The following HOOK3 variants were observed in gnomAD, a reference collection of about 807,000 sequenced individuals.
HOOK3 encodes protein Hook homolog 3.
A neutral mutation model predicts 116.3 loss-of-function variants in HOOK3; 24 were observed. The observed-to-expected ratio is 0.21, with a 90% confidence interval of 0.15 to 0.29. The LOEUF (loss-of-function observed/expected upper bound fraction) is 0.29. HOOK3 is among the 10% of genes least tolerant of loss of function. The pLI is 1.00. For missense variants in HOOK3, 632 were observed against 830.2 expected, an observed-to-expected ratio of 0.76 and a Z score of 2.93; for synonymous variants, 275 against 283.0, an observed-to-expected ratio of 0.97 and a Z score of 0.28.
chr8:43,003,588 T>C (rs1563312073), intron 17 of HOOK3, among the ~76,000 whole-genome samples: 1 of 152,216 alleles, frequency 6.6e-6, no homozygotes. Context: ...GAGCCTGTAT[T>C]AGTTCTTATA....
At position 42,974,148 on chromosome 8, in the gene HOOK3, A is replaced by G. The variant is rs557323649; in HGVS notation, c.1275A>G (p.Glu425=). 5.5e-5 allele frequency: 89 copies of G among 1,614,176 alleles called. 2 individuals carry two copies. In the South Asian group the frequency reaches 9.3e-4, roughly 17 times the overall value. Residue 425 remains glutamate (E), a synonymous_variant, in exon 13 of 22, where the codon GAA becomes GAG. Transcript: ENST00000307602. The part of the protein sequence containing the change: ...TERDSLKETI[E]ELRCVQAQEG... ...GGGATTCTCTGAAGGAAACCATTGA[A>G]GAGCTTCGTTGTGTACAAGCTCAAG...
chr8:42,960,812 A>G (rs765333569), intron 8 of HOOK3, among the ~76,000 whole-genome samples: 2 of 152,164 alleles, frequency 1.3e-5, no homozygotes, highest in African/African-American at 2.4e-5. Context: ...ATCCCAAATA[A>G]TCACCCAGTC....
intron 1 of HOOK3, chr8:42,897,413 G>A (rs1397762924): frequency 8.0e-6 from 3 of 377,034 alleles, no homozygotes; most frequent in Non-Finnish European, 1.4e-5. Flanking sequence ...CTGGGAACGC[G>A]GCGGGCGACT....
chr8:42,939,601 CT>C lies in HOOK3; in HGVS notation c.268-3711del, dbSNP rs1808058580. On this transcript the variant is annotated intron_variant, in intron 4 of 21. Transcript: ENST00000307602. ...CCCCCCCACCTCCCTCCCGGACGGG[CT>C]GGCTGGCCGGGCGGGGGGCTGACCC... 4.6e-5 allele frequency among the ~76,000 whole-genome samples: 6 copies of C among 131,436 alleles called. No individual in the cohort carries two copies. The South Asian group carries it at 1.5e-3, about 34-fold the overall frequency. The allele number at this position is 131,436 out of a possible 152,430, so 86.2% of individuals were successfully genotyped here.
At chr8:42,898,828 T>A (rs867234341) in intron 1 of HOOK3, among the ~76,000 whole-genome samples, 1 of 152,364 alleles carries the variant, frequency 6.6e-6, no homozygotes, top group African/African-American at 2.4e-5. Flanking sequence ...TTCATACGCC[T>A]AACCGTCCAA....
At chr8:42,927,017 G>A (rs992784591) in intron 3 of HOOK3, among the ~76,000 whole-genome samples, 3 of 152,146 alleles carry the variant, frequency 2.0e-5, no homozygotes, top group Non-Finnish European at 2.9e-5. Context: ...GGAGAAACCT[G>A]CGACCATTTC....
At chr8:42,913,953 A>G (rs1807482900) in intron 2 of HOOK3, among the ~76,000 whole-genome samples, 1 of 152,168 alleles carries the variant, frequency 6.6e-6, no homozygotes, top group South Asian at 2.1e-4. Flanking sequence ...CCTACACAGT[A>G]CATATGCCAG....
rs548825456 is a variant in HOOK3 at position 43,027,025 on chromosome 8, A to G, written c.*8527A>G. 1.6e-4 allele frequency: 29 copies of G among 180,722 alleles called. No homozygotes were observed. Among genetic ancestry groups the G allele is most frequent in the Non-Finnish European group, 2.8e-4 (24 of 84,716 alleles). 11.2% of individuals were successfully genotyped at this position (180,722 alleles called of 1,614,324 possible). A position where few individuals can be genotyped will look rare whatever the true frequency, so the allele number is the denominator to read the frequency against. On this transcript the variant is annotated 3_prime_UTR_variant, in exon 22 of 22. Coordinates refer to ENST00000307602, the MANE Select transcript of HOOK3 (RefSeq NM_032410.4). Reference sequence around the variant, plus strand: ...TCCCACCTCAGCCTCCCGAGTAGTTAGGATTACAGGTGCCCACCACCACGC... The same window carrying G: ...TCCCACCTCAGCCTCCCGAGTAGTTGGGATTACAGGTGCCCACCACCACGC...
At chr8:42,965,313 A>G (rs1009980102) in intron 9 of HOOK3, among the ~76,000 whole-genome samples, 1 of 151,028 alleles carries the variant, frequency 6.6e-6, no homozygotes, top group Non-Finnish European at 1.5e-5. Context: ...TTATAGACTT[A>G]TAGAAATCTA....
At chr8:42,941,111 T>C (rs1156848606) in intron 4 of HOOK3, among the ~76,000 whole-genome samples, 1 of 151,798 alleles carries the variant, frequency 6.6e-6, no homozygotes, top group South Asian at 2.1e-4. Context: ...CACACCCAGC[T>C]AATTTTTGTA....
chr8:42,943,250 AG>A, intron 4 of HOOK3, 62 bp from the exon 5 acceptor site: 1 of 947,150 alleles, frequency 1.1e-6, no homozygotes, highest in Non-Finnish European at 1.5e-6. Context: ...ACCTCGATCA[AG>A]TTTTTTTTTT....
At chr8:42,983,796 A>G (rs890404518) in intron 14 of HOOK3, among the ~76,000 whole-genome samples, 1 of 152,272 alleles carries the variant, frequency 6.6e-6, no homozygotes, top group Non-Finnish European at 1.5e-5. Flanking sequence ...ATTTTTATGC[A>G]TAACTAGCTT....
intron 1 of HOOK3, among the ~76,000 whole-genome samples, chr8:42,905,766 A>T (rs1169498736): frequency 6.6e-6 from 1 of 150,488 alleles, no homozygotes; most frequent in African/African-American, 2.5e-5. Context: ...CTAAGATGAG[A>T]TAATCACCAA....
chr8:42,906,926 C>T (rs1284439739), intron 2 of HOOK3, among the ~76,000 whole-genome samples: 1 of 152,138 alleles, frequency 6.6e-6, no homozygotes, highest in African/African-American at 2.4e-5. Flanking sequence ...GTTTAATATG[C>T]ATTGTGGGTG....
Position 43,027,043 on chromosome 8 carries a change from C to G in HOOK3, c.*8545C>G. Reference sequence around the variant, plus strand: ...AGTAGTTAGGATTACAGGTGCCCACCACCACGCCCAACTAATTTTTGTATT... The same window carrying G: ...AGTAGTTAGGATTACAGGTGCCCACGACCACGCCCAACTAATTTTTGTATT... On this transcript the variant is annotated 3_prime_UTR_variant, in exon 22 of 22. Transcript: ENST00000307602. 1 of 182,230 alleles carries G rather than the reference C, an allele frequency of 5.5e-6. No individual in the cohort carries two copies. Among genetic ancestry groups the G allele is most frequent in the Non-Finnish European group, 1.2e-5 (1 of 85,640 alleles). 11.3% of individuals were successfully genotyped at this position (182,230 alleles called of 1,614,324 possible).
chr8:42,945,178 G>T (rs1022416335), intron 5 of HOOK3, among the ~76,000 whole-genome samples: 4 of 152,092 alleles, frequency 2.6e-5, no homozygotes, highest in African/African-American at 9.7e-5. Context: ...GGTTATTGTG[G>T]AAACTAAATG....
chr8:43,010,391 G>T lies in HOOK3; in HGVS notation c.1825G>T (p.Glu609Ter). ...GGAAGAACGATACAAAAAATACTTAGAGAAAGCCAAAAGTGTAAGTATGAA... is the reference window on the plus strand; with the variant it reads ...GGAAGAACGATACAAAAAATACTTATAGAAAGCCAAAAGTGTAAGTATGAA... Reference protein sequence around the residue: ...QMEERYKKYLEKAKSVIRTLD... With the variant: ...QMEERYKKYL Residue 609 changes from glutamate to a stop codon, truncating the protein, a stop_gained, in exon 19 of 22, where the codon GAG becomes TAG. Coordinates refer to ENST00000307602, the MANE Select transcript of HOOK3 (RefSeq NM_032410.4). LOFTEE classifies it high-confidence loss of function. 1.4e-6 allele frequency: 2 copies of T among 1,424,412 alleles called. No individual in the cohort carries two copies. Among genetic ancestry groups the T allele is most frequent in the South Asian group, 2.8e-5 (2 of 70,272 alleles). 88.2% of individuals were successfully genotyped at this position (1,424,412 alleles called of 1,614,324 possible).
chr8:42,964,768 G>A (rs1485214451), intron 9 of HOOK3, among the ~76,000 whole-genome samples: 1 of 151,558 alleles, frequency 6.6e-6, no homozygotes, highest in Non-Finnish European at 1.5e-5. Flanking sequence ...TGGAGATTTC[G>A]GTGAGCCGAG....
intron 15 of HOOK3, among the ~76,000 whole-genome samples, chr8:42,989,001 GC>G (rs149682272): frequency 0.025 from 3,748 of 152,244 alleles, 157 homozygotes; most frequent in African/African-American, 0.085. Flanking sequence ...TTTGCTCACT[GC>G]CCATGTATGT....
Sources: allele counts gnomAD v4.1 joint callset (sites outside exome capture counted in the v4.1 genomes callset), GRCh38; gene constraint gnomAD v4.1.1; transcripts MANE v1.5; gene names NCBI Gene and HGNC (gene_info 2026-07-23, HGNC 2026-07-21).